KCNIP1: variants seen among roughly 807,000 people sequenced by gnomAD.
KCNIP1 encodes potassium voltage-gated channel interacting protein 1, also known as A-type potassium channel modulatory protein KCNIP1.
Under a neutral mutation model 33.0 loss-of-function variants are expected in KCNIP1, and 18 were observed. That is an observed-to-expected ratio of 0.55 (90% CI 0.38 to 0.81). The LOEUF (loss-of-function observed/expected upper bound fraction) is 0.81, where lower values mean the gene tolerates loss of function less well. Among genes scored for constraint, KCNIP1 ranks in the 30% least tolerant of loss-of-function variants. The pLI, the probability that KCNIP1 is intolerant of heterozygous loss-of-function variation, is 0.00. For missense variants in KCNIP1, 238 were observed against 271.6 expected (o/e 0.88, Z 0.87); for synonymous variants, 93 against 98.3 (o/e 0.95, Z 0.32).
chr5:170,661,093 C>T lies in KCNIP1; in HGVS notation c.62-57665C>T, dbSNP rs148556159. On this transcript the variant is annotated intron_variant, in intron 1 of 7. Transcript: ENST00000328939. ...GGTGAGACAGAAATCAAGGGTTTGG[C>T]TTGGGACCTGATATGTTTGATCACC... is the stretch of plus-strand genomic sequence containing the variant. 1.5e-3 allele frequency among the ~76,000 whole-genome samples: 230 copies of T among 152,282 alleles called. 1 individual carries two copies. The highest frequency in any genetic ancestry group is 5.2e-3 in the African/African-American group (217 of 41,548).
chr5:170,721,915 T>C lies in KCNIP1; in HGVS notation c.327+12T>C. Reference sequence around the variant, plus strand: ...CCGTGAAGTTCGAGGTACGCTCATCTGGGGTCCACTCTAGGGGTCCTCTGG... The same window carrying C: ...CCGTGAAGTTCGAGGTACGCTCATCCGGGGTCCACTCTAGGGGTCCTCTGG... On this transcript the variant is annotated intron_variant, in intron 4 of 7. Coordinates refer to ENST00000328939, the MANE Select transcript of KCNIP1 (RefSeq NM_014592.4). 6.2e-7 allele frequency: 1 copy of C among 1,614,114 alleles called. No homozygotes were observed. The highest frequency in any genetic ancestry group is 8.5e-7 in the Non-Finnish European group (1 of 1,179,986).
chr5:170,438,451 C>A (rs1755915134), intron 1 of KCNIP1, among the ~76,000 whole-genome samples: 1 of 152,226 alleles, frequency 6.6e-6, no homozygotes, highest in Non-Finnish European at 1.5e-5. Context: ...CGCCACTCCC[C>A]TGAAATCAAT....
In KCNIP1 at chr5:170,452,011, T is replaced by C. The variant is rs536455955; in HGVS notation, c.88+98047T>C. On this transcript the variant is annotated intron_variant, in intron 1 of 7. Coordinates refer to the KCNIP1 transcript ENST00000377360. ...AGTGGTAACTGTAAGGCCATCCTCATAAGTCCTGCTGATATCACTCCAATC... is the reference window on the plus strand; with the variant it reads ...AGTGGTAACTGTAAGGCCATCCTCACAAGTCCTGCTGATATCACTCCAATC... Among the ~76,000 whole-genome samples, 8 of 152,058 alleles carry C rather than the reference T, an allele frequency of 5.3e-5. No homozygotes were observed. In the South Asian group the frequency reaches 1.7e-3, roughly 32 times the overall value.
chr5:170,707,665 C>A (rs187750399), intron 1 of KCNIP1, among the ~76,000 whole-genome samples: 7 of 152,218 alleles, frequency 4.6e-5, no homozygotes, highest in Admixed American at 3.3e-4. Context: ...ACCTGAAGGT[C>A]ACATTAAAAA....
rs1764378848 is a variant in KCNIP1 at position 170,736,095 on chromosome 5, T to A, written c.*289T>A. ...ACACTGCTGCCCTATGGAAGGTCCC[T>A]CTGCTTAAGCTTAAACAGTAGTGCA... is the stretch of plus-strand genomic sequence containing the variant. On this transcript the variant is annotated 3_prime_UTR_variant, in exon 8 of 8. Coordinates refer to ENST00000328939, the MANE Select transcript of KCNIP1 (RefSeq NM_014592.4). 2.4e-6 allele frequency: 1 copy of A among 425,152 alleles called. No homozygotes were observed. The highest frequency in any genetic ancestry group is 2.0e-5 in the African/African-American group (1 of 50,570). The allele number at this position is 425,152 out of a possible 1,614,324, so 26.3% of individuals were successfully genotyped here. A position where few individuals can be genotyped will look rare whatever the true frequency, so the allele number is the denominator to read the frequency against.
chr5:170,367,339 GAAGGAAAGAA>G, intron 1 of KCNIP1, among the ~76,000 whole-genome samples: 1 of 110,896 alleles, frequency 9.0e-6, no homozygotes, highest in African/African-American at 3.6e-5. Flanking sequence ...AAGAAGGAAA[GAAGGAAAGAA>G]AAAGAAAGAA....
chr5:170,590,082 T>C (rs1446182430), intron 1 of KCNIP1, among the ~76,000 whole-genome samples: 1 of 152,130 alleles, frequency 6.6e-6, no homozygotes, highest in Non-Finnish European at 1.5e-5. Flanking sequence ...GCCTGGAGCA[T>C]AGCGCATGGC....
At chr5:170,433,223 G>C (rs1290484435) in intron 1 of KCNIP1, among the ~76,000 whole-genome samples, 1 of 152,128 alleles carries the variant, frequency 6.6e-6, no homozygotes, top group Admixed American at 6.5e-5. Flanking sequence ...GTCTCGCTCT[G>C]TCACCCAGGC....
intron 1 of KCNIP1, among the ~76,000 whole-genome samples, chr5:170,470,745 C>CAGTGTTGTGA (rs1756704150): frequency 6.6e-6 from 1 of 152,154 alleles, no homozygotes; most frequent in Non-Finnish European, 1.5e-5. Flanking sequence ...AAAGATTTTT[C>CAGTGTTGTGA]AGTGTTGTGA....
intron 1 of KCNIP1, among the ~76,000 whole-genome samples, chr5:170,363,896 C>T (rs1763584141): frequency 1.3e-5 from 2 of 151,648 alleles, no homozygotes; most frequent in Non-Finnish European, 2.9e-5. Context: ...CTCTGGCAGC[C>T]ACCACTGTAC....
intron 1 of KCNIP1, chr5:170,483,019 T>C: frequency 2.2e-6 from 1 of 448,336 alleles, no homozygotes; most frequent in Non-Finnish European, 4.4e-6. Context: ...AAGTATGAGG[T>C]GGAAGAAACA....
Position 170,450,703 on chromosome 5 carries a change from C to T in KCNIP1, c.88+96739C>T, listed in dbSNP as rs567397167. On this transcript the variant is annotated intron_variant, in intron 1 of 7. Coordinates refer to the KCNIP1 transcript ENST00000377360. ...CTCCGACCACCTCCGCCCCGATCCC[C>T]AGAAACAGTTTCCCCCTTCTCTTTC... Among the ~76,000 whole-genome samples, 153 of 152,298 alleles carry T rather than the reference C, an allele frequency of 1.0e-3. 1 individual carries two copies. In the South Asian group the frequency reaches 0.015, roughly 15 times the overall value.
At chr5:170,385,527 A>C (rs1313381339) in intron 1 of KCNIP1, 1 of 1,524,060 alleles carries the variant, frequency 6.6e-7, no homozygotes, top group East Asian at 2.3e-5. Context: ...GGTGATCCAC[A>C]GAAAGAGAGG....
At position 170,720,344 on chromosome 5, in the gene KCNIP1, C is replaced by A; in HGVS notation, c.210C>A (p.Asn70Lys). 1 of 1,614,056 alleles carries A rather than the reference C, an allele frequency of 6.2e-7. No individual in the cohort carries two copies. The highest frequency in any genetic ancestry group is 8.5e-7 in the Non-Finnish European group (1 of 1,179,964). ...AGGAGTGCCCCAGTGGTGTGGTCAA[C>A]GAAGACACATTCAAGCAGATCTATG... ...FKNECPSGVV[N>K]EDTFKQIYAQ... Residue 70 changes from asparagine (N) to lysine (K), a missense_variant, in exon 3 of 8, where the codon AAC becomes AAA. Asn to Lys is a moderately conservative substitution (Grantham distance 94). Transcript: ENST00000328939.
intron 1 of KCNIP1, among the ~76,000 whole-genome samples, chr5:170,660,964 C>T (rs1225163591): frequency 6.6e-6 from 1 of 152,182 alleles, no homozygotes; most frequent in African/African-American, 2.4e-5. Context: ...CAGAGGATTT[C>T]CCTGGGGACT....
intron 1 of KCNIP1, among the ~76,000 whole-genome samples, chr5:170,627,033 G>A (rs1450077185): frequency 1.3e-5 from 2 of 152,134 alleles, no homozygotes; most frequent in Non-Finnish European, 2.9e-5. Flanking sequence ...AGCCCTGGCC[G>A]GTGTTCAGTG....
In KCNIP1 at chr5:170,722,754, C is replaced by T. The variant is rs1763870846; in HGVS notation, c.369C>T (p.Val123=). Residue 123 remains valine (V), a synonymous_variant, in exon 5 of 8, where the codon GTC becomes GTT. Transcript: ENST00000328939. ...TGTCGATTTTATTGAGAGGAACTGT[C>T]CACGAGAAACTAAGGTGGACATTTA... ...TALSILLRGT[V]HEKLRWTFNL... The T allele has an allele frequency of 6.2e-7, 1 of 1,613,750 alleles. No individual in the cohort carries two copies.
At chr5:170,663,657 C>T (rs1352589798) in intron 1 of KCNIP1, among the ~76,000 whole-genome samples, 1 of 152,158 alleles carries the variant, frequency 6.6e-6, no homozygotes, top group Non-Finnish European at 1.5e-5. Context: ...AACTGCTCCA[C>T]CCACATCCTG....
intron 1 of KCNIP1, among the ~76,000 whole-genome samples, chr5:170,367,873 A>G (rs1013039159): frequency 3.3e-5 from 5 of 152,230 alleles, no homozygotes; most frequent in African/African-American, 1.2e-4. Context: ...AATCTATTCT[A>G]AGCAAATCAT....
Sources: gnomAD v4.1 joint callset for allele counts (sites outside exome capture counted in the v4.1 genomes callset) on GRCh38, gnomAD v4.1.1 for gene constraint, MANE v1.5 for transcripts, NCBI Gene and HGNC (gene_info 2026-07-23, HGNC 2026-07-21) for gene names.